DNAH3: variants seen among roughly 807,000 people sequenced by gnomAD.
DNAH3 encodes the protein dynein axonemal heavy chain 3, also known as axonemal beta dynein heavy chain 3.
A neutral mutation model predicts 432.5 loss-of-function variants in DNAH3; 332 were observed. The observed-to-expected ratio is 0.77, with a 90% confidence interval of 0.70 to 0.84. The LOEUF (loss-of-function observed/expected upper bound fraction) is 0.84. DNAH3 is among the 40% of genes least tolerant of loss of function. The pLI, the probability that DNAH3 is intolerant of heterozygous loss-of-function variation, is 0.00. For synonymous variants in DNAH3, 1,956 were observed against 1,900.2 expected (o/e 1.03, Z -0.76); for missense variants, 4,861 against 5,114.0 (o/e 0.95, Z 1.51).
chr16:20,965,209 T>G (rs2085000330), exon 53 of DNAH3: 4 of 1,613,970 alleles, frequency 2.5e-6, no homozygotes, highest in Non-Finnish European at 3.4e-6. Flanking sequence ...ATCGTACACC[T>G]CCATGGCCCT....
Position 21,112,546 on chromosome 16 carries a change from T to C in DNAH3, c.1815-448A>G, listed in dbSNP as rs2092100653. Among the ~76,000 whole-genome samples the C allele has an allele frequency of 2.0e-5, 3 of 152,066 alleles. 1 individual carries two copies. Among genetic ancestry groups the C allele is most frequent in the Non-Finnish European group, 4.4e-5 (3 of 68,008 alleles). On this transcript the variant is annotated intron_variant, in intron 12 of 61. Coordinates refer to ENST00000261383, the Ensembl canonical transcript of DNAH3. The stretch of plus-strand genomic sequence containing the variant: ...CCCCTGATAAACCATCAGATCTCAT[T>C]AGACTTATTCACTATCATGAGAATA...
intron 12 of DNAH3, among the ~76,000 whole-genome samples, chr16:21,115,812 AG>A (rs1247841607): frequency 6.6e-6 from 1 of 152,170 alleles, no homozygotes; most frequent in Admixed American, 6.5e-5. Flanking sequence ...GTCCATGAAT[AG>A]GGAAAACAGA....
At chr16:21,133,800 T>C (rs1024953925) in intron 7 of DNAH3, among the ~76,000 whole-genome samples, 1 of 152,188 alleles carries the variant, frequency 6.6e-6, no homozygotes, top group African/African-American at 2.4e-5. Context: ...CAATTACTGG[T>C]GCTTAAGTTA....
intron 39 of DNAH3, 72 bp from the exon 40 acceptor site, chr16:21,022,172 A>T: frequency 6.6e-7 from 1 of 1,522,730 alleles, no homozygotes; most frequent in Non-Finnish European, 9.1e-7. Context: ...AGCTTGGTCT[A>T]CCTTGTGAGG....
Position 20,941,625 on chromosome 16 carries a change from T to C in DNAH3, c.11512-82A>G, listed in dbSNP as rs2083813804. 7.9e-6 allele frequency: 12 copies of C among 1,516,116 alleles called. No homozygotes were observed. In the South Asian group the frequency reaches 1.1e-4, roughly 14 times the overall value. 93.9% of individuals were successfully genotyped at this position (1,516,116 alleles called of 1,614,324 possible). A position where few individuals can be genotyped will look rare whatever the true frequency, so the allele number is the denominator to read the frequency against. ...TTGGATAAACTTTAAGTACTGAGCA[T>C]CTGACTTTTCAAATGTATTCTGTGG... On this transcript the variant is annotated intron_variant, in intron 58 of 61. Transcript: ENST00000261383.
intron 24 of DNAH3, among the ~76,000 whole-genome samples, chr16:21,063,475 TA>T (rs1597282437): frequency 6.7e-6 from 1 of 149,992 alleles, no homozygotes; most frequent in African/African-American, 2.4e-5. Context: ...TTATTTTATT[TA>T]TTTTTTTATT....
intron 56 of DNAH3, among the ~76,000 whole-genome samples, chr16:20,949,647 G>A (rs411045): frequency 0.15 from 23,468 of 152,176 alleles, 1,884 homozygotes; most frequent in African/African-American, 0.18. Flanking sequence ...GGCAGTAACA[G>A]TGGTTGGAGC....
chr16:20,947,949 T>C (rs540031592), intron 57 of DNAH3, among the ~76,000 whole-genome samples: 8 of 152,104 alleles, frequency 5.3e-5, no homozygotes, highest in African/African-American at 1.2e-4. Context: ...TTAATTTTTA[T>C]ATTTTTAGAA....
chr16:20,944,262 A>G (rs1183742356), intron 58 of DNAH3, among the ~76,000 whole-genome samples: 1 of 152,236 alleles, frequency 6.6e-6, no homozygotes, highest in African/African-American at 2.4e-5. Context: ...TGGATATAGC[A>G]GAAAACATGA....
At chr16:21,016,699 TG>T (rs1244032684) in intron 41 of DNAH3, among the ~76,000 whole-genome samples, 1 of 152,226 alleles carries the variant, frequency 6.6e-6, no homozygotes, top group East Asian at 1.9e-4. Flanking sequence ...AGACAGTATT[TG>T]TACACCCATG....
intron 44 of DNAH3, among the ~76,000 whole-genome samples, chr16:20,995,143 G>T (rs1390609764): frequency 6.6e-6 from 1 of 151,988 alleles, no homozygotes; most frequent in East Asian, 1.9e-4. Context: ...ATGGTGTTTC[G>T]CCAAGTTGCC....
At chr16:21,100,107 T>C (rs565394957) in intron 16 of DNAH3, among the ~76,000 whole-genome samples, 8 of 152,320 alleles carry the variant, frequency 5.3e-5, no homozygotes, top group East Asian at 3.9e-4. Flanking sequence ...TCTCTCTTTA[T>C]CTCTTTCTTT....
At chr16:21,074,254 G>A (rs2090896945) in intron 21 of DNAH3, among the ~76,000 whole-genome samples, 2 of 152,172 alleles carry the variant, frequency 1.3e-5, no homozygotes, top group African/African-American at 4.8e-5. Flanking sequence ...GGAGGCTTGG[G>A]AGCTTTTGGT....
At chr16:21,039,285 C>T (rs1446867849) in intron 33 of DNAH3, among the ~76,000 whole-genome samples, 2 of 132,486 alleles carry the variant, frequency 1.5e-5, no homozygotes, top group Non-Finnish European at 3.1e-5. Flanking sequence ...GTGGTGAAAT[C>T]TTGGCTCACT....
chr16:20,987,315 G>A lies in DNAH3; in HGVS notation c.7016C>T (p.Thr2339Ile), dbSNP rs1469791526. The A allele has an allele frequency of 1.9e-6, 3 of 1,613,932 alleles. No homozygotes were observed. The African/African-American group carries it at 4.0e-5, about 22-fold the overall frequency. ...CAGAATCTGGTTTACCTTCTCTATG[G>A]TCTGCTTGAAGCAATTGGAGGTGGT... Residue 2339 changes from threonine to isoleucine, a missense_variant, in exon 47 of 62, where the codon ACC (threonine) becomes ATC (isoleucine). Thr to Ile is a moderately conservative substitution (Grantham distance 89). Transcript: ENST00000261383.
chr16:20,966,939 A>G (rs1404750021), intron 52 of DNAH3, among the ~76,000 whole-genome samples: 3 of 152,190 alleles, frequency 2.0e-5, no homozygotes, highest in Non-Finnish European at 2.9e-5. Context: ...CATGCTGACT[A>G]ACAAGTAATC....
At chr16:21,038,471 T>C (rs374727089) in intron 33 of DNAH3, among the ~76,000 whole-genome samples, 3 of 152,142 alleles carry the variant, frequency 2.0e-5, no homozygotes, top group Non-Finnish European at 2.9e-5. Flanking sequence ...TGAGCTGTGA[T>C]TGCATCACTA....
intron 44 of DNAH3, among the ~76,000 whole-genome samples, chr16:20,989,239 A>G (rs1046205716): frequency 6.6e-6 from 1 of 152,172 alleles, no homozygotes; most frequent in African/African-American, 2.4e-5. Context: ...TCCCTGAGCT[A>G]GATACAAAGG....
At chr16:21,041,377 A>T (rs948878476) in intron 32 of DNAH3, among the ~76,000 whole-genome samples, 7 of 152,114 alleles carry the variant, frequency 4.6e-5, no homozygotes, top group Non-Finnish European at 1.0e-4. Context: ...TCTCAAAAAA[A>T]AAGAGAGAGA....
Sources: allele counts gnomAD v4.1 joint callset (sites outside exome capture counted in the v4.1 genomes callset), GRCh38; gene constraint gnomAD v4.1.1; transcripts MANE v1.5; gene names NCBI Gene and HGNC (gene_info 2026-07-23, HGNC 2026-07-21).